RASAL1: variants seen among roughly 807,000 people sequenced by gnomAD.
RASAL1 encodes the protein RAS protein activator like 1.
In RASAL1, 72 loss-of-function variants were observed where a neutral mutation model predicts 96.6. The observed-to-expected ratio is 0.75, with a 90% CI of 0.62 to 0.91. The LOEUF is 0.91. Ranked by LOEUF, RASAL1 falls within the 40% of genes least tolerant of loss-of-function variation. The pLI, the probability that RASAL1 is intolerant of heterozygous loss-of-function variation, is 0.00. For missense variants in RASAL1, 1,016 were observed against 1,072.5 expected, an observed-to-expected ratio of 0.95 and a Z score of 0.74; for synonymous variants, 405 against 430.4, an observed-to-expected ratio of 0.94 and a Z score of 0.73.
At position 113,121,597 on chromosome 12, in the gene RASAL1, C is replaced by T. The variant is rs1951297412; in HGVS notation, c.340G>A (p.Ala114Thr). ...AGGCAGATCTCACCCTGCACTTCTG[C>T]ATCTGGGTCCACTCGGCTCAAGTTA... ...WINLSRVDPD[A>T]EVQGEICLSV... The change falls in exon 5 of 21, where the codon GCA becomes ACA. Residue 114 changes from alanine (A) to threonine (T), a missense_variant. By Grantham distance (58) the Ala-to-Thr change is moderately conservative. Coordinates refer to ENST00000548055, the MANE Select transcript of RASAL1 (RefSeq NM_001301202.2). 6.2e-7 allele frequency: 1 copy of T among 1,614,238 alleles called. No individual in the cohort carries two copies. Among genetic ancestry groups the T allele is most frequent in the South Asian group, 1.1e-5 (1 of 91,088 alleles).
rs892574010 is a variant in RASAL1 at position 113,127,700 on chromosome 12, G to A, written c.298+112C>T. The stretch of plus-strand genomic sequence containing the variant: ...AAAAGTAAAGACAAAAGCAACAAGA[G>A]AAATAAGTTTCCACTGAAGGCTCTG... On this transcript the variant is annotated intron_variant, in intron 4 of 20. Transcript: ENST00000548055. The A allele has an allele frequency of 3.4e-6, 3 of 882,902 alleles. No homozygotes were observed. In the African/African-American group the frequency reaches 5.1e-5, roughly 15 times the overall value. 54.7% of individuals were successfully genotyped at this position (882,902 alleles called of 1,614,324 possible).
At chr12:113,127,903 A>C in intron 3 of RASAL1, 30 bp from the exon 4 acceptor site, 1 of 1,610,246 alleles carries the variant, frequency 6.2e-7, no homozygotes, top group Non-Finnish European at 8.5e-7. Flanking sequence ...TGAAGGTCTG[A>C]GTCAGGGGCC....
At chr12:113,125,925 C>A (rs757653010) in intron 4 of RASAL1, among the ~76,000 whole-genome samples, 1 of 152,146 alleles carries the variant, frequency 6.6e-6, no homozygotes, top group South Asian at 2.1e-4. Flanking sequence ...CCATCCCAAA[C>A]GAAGAATGCG....
intron 1 of RASAL1, among the ~76,000 whole-genome samples, chr12:113,131,710 C>G (rs1049505112): frequency 2.6e-5 from 4 of 152,214 alleles, no homozygotes; most frequent in Non-Finnish European, 4.4e-5. Flanking sequence ...AGCTGTCTAA[C>G]AGGTCCCTCA....
chr12:113,112,700 C>G (rs1407546727), intron 12 of RASAL1, among the ~76,000 whole-genome samples: 2 of 152,086 alleles, frequency 1.3e-5, no homozygotes, highest in Non-Finnish European at 2.9e-5. Flanking sequence ...GCCTGTAATC[C>G]CAGCACTCTG....
chr12:113,110,397 G>A (rs1950824216), intron 13 of RASAL1, among the ~76,000 whole-genome samples: 1 of 152,162 alleles, frequency 6.6e-6, no homozygotes, highest in African/African-American at 2.4e-5. Flanking sequence ...ACAGGTCTTA[G>A]GTCTTTCTGC....
rs552581667 is a variant in RASAL1 at position 113,114,875 on chromosome 12, G to A, written c.1106C>T (p.Pro369Leu). The A allele has an allele frequency of 5.0e-6, 8 of 1,614,156 alleles. No homozygotes were observed. The South Asian group carries it at 8.8e-5, about 18-fold the overall frequency. ...CTCCTCAAAGACACGGCTAATCACA[G>A]GCTTCAGGACCTCGTGCAGGTAGGG... ...GMPYLHEVLK[P>L]VISRVFEEKK... Residue 369 changes from proline to leucine, a missense_variant, in exon 12 of 21, where the codon CCT (proline) becomes CTT (leucine). Transcript: ENST00000548055.
chr12:113,100,090 A>G (rs1408928575), intron 20 of RASAL1, 22 bp from the exon 21 acceptor site: 8 of 1,576,986 alleles, frequency 5.1e-6, no homozygotes, highest in Non-Finnish European at 5.2e-6. Flanking sequence ...ACAAGAGGCC[A>G]CAGGGGCTCA....
At chr12:113,114,981 C>T (rs1951021519) in intron 11 of RASAL1, 69 bp from the exon 12 acceptor site, 1 of 1,283,910 alleles carries the variant, frequency 7.8e-7, no homozygotes, top group African/African-American at 1.5e-5. Flanking sequence ...GAGCTGGGCG[C>T]AGGGGGGACC....
At chr12:113,135,768 G>C (rs1163810348), upstream of RASAL1, 1 of 288,010 alleles carries the variant, frequency 3.5e-6, no homozygotes, top group African/African-American at 2.2e-5. This position sits in a 1 kb window ranked among gnomAD's most constrained non-coding sequence, Gnocchi z 5.7. Flanking sequence ...GGGCGGGCAG[G>C]GGGCGGGAGG....
intron 13 of RASAL1, among the ~76,000 whole-genome samples, chr12:113,111,059 G>A (rs920982904): frequency 3.9e-5 from 6 of 152,100 alleles, no homozygotes; most frequent in Non-Finnish European, 7.4e-5. Context: ...GCTTCAGTTG[G>A]CCACAGTCTT....
At chr12:113,133,764 C>T (rs1429326343) in intron 1 of RASAL1, among the ~76,000 whole-genome samples, 1 of 152,238 alleles carries the variant, frequency 6.6e-6, no homozygotes. Flanking sequence ...CAGAACCCCC[C>T]CTGCCAGCTG....
chr12:113,126,727 C>CACAA (rs1555246811), intron 4 of RASAL1, among the ~76,000 whole-genome samples: 13 of 149,308 alleles, frequency 8.7e-5, no homozygotes, highest in Non-Finnish European at 1.5e-4. Context: ...CACACACACA[C>CACAA]AAAAGGCATA....
At position 113,099,948 on chromosome 12, in the gene RASAL1, A is replaced by G. The variant is rs1211307625; in HGVS notation, c.2399T>C (p.Leu800Pro). ...FQQQERGKAALGPLGP is the reference protein window; with the variant it reads ...FQQQERGKAAPGPLGP ...ATTTCCTTAGGGGCCAAGGGGGCCCAGGGCCGCCTTCCCTCGCTCCTGCTG... is the reference window on the plus strand; with the variant it reads ...ATTTCCTTAGGGGCCAAGGGGGCCCGGGGCCGCCTTCCCTCGCTCCTGCTG... Residue 800 changes from leucine (L) to proline (P), a missense_variant, in exon 21 of 21, where the codon CTG (leucine) becomes CCG (proline). By Grantham distance (98) the Leu-to-Pro change is moderately conservative (BLOSUM62 -3). Coordinates refer to ENST00000548055, the MANE Select transcript of RASAL1 (RefSeq NM_001301202.2). 1.2e-6 allele frequency: 2 copies of G among 1,612,194 alleles called. No homozygotes were observed. Among genetic ancestry groups the G allele is most frequent in the Non-Finnish European group, 1.7e-6 (2 of 1,179,106 alleles).
intron 8 of RASAL1, among the ~76,000 whole-genome samples, chr12:113,116,710 C>T (rs561990121): frequency 2.2e-4 from 33 of 152,148 alleles, no homozygotes; most frequent in Non-Finnish European, 4.0e-4. Flanking sequence ...TGTATAGGTG[C>T]GGCCAGTATA....
At chr12:113,121,665 T>C (rs1300525343) in intron 4 of RASAL1, 27 bp from the exon 5 acceptor site, 1 of 1,613,476 alleles carries the variant, frequency 6.2e-7, no homozygotes. Flanking sequence ...CTAACATTTA[T>C]GAAGCGCCTA....
intron 4 of RASAL1, among the ~76,000 whole-genome samples, chr12:113,124,297 G>A (rs1276620565): frequency 6.6e-6 from 1 of 151,132 alleles, no homozygotes; most frequent in African/African-American, 2.4e-5. Flanking sequence ...TCTCACTGTT[G>A]TATAGCAGGA....
chr12:113,128,242 CCAGACA>C, intron 2 of RASAL1, 64 bp from the exon 3 acceptor site: 2 of 721,504 alleles, frequency 2.8e-6, no homozygotes, highest in Non-Finnish European at 4.7e-6. Flanking sequence ...ACCTGGAGAC[CCAGACA>C]CACACACACA....
chr12:113,103,530 C>A (rs1192148196), intron 18 of RASAL1, among the ~76,000 whole-genome samples: 1 of 151,570 alleles, frequency 6.6e-6, no homozygotes, highest in Non-Finnish European at 1.5e-5. Flanking sequence ...CGCTTGAACC[C>A]GGGAGGCAGA....
Sources: gnomAD v4.1 joint callset for allele counts (sites outside exome capture counted in the v4.1 genomes callset) on GRCh38, gnomAD v4.1.1 for gene constraint, Gnocchi (gnomAD v3.1) non-coding constraint, MANE v1.5 for transcripts, NCBI Gene and HGNC (gene_info 2026-07-23, HGNC 2026-07-21) for gene names.